The following CBY1 variants were observed in gnomAD, a reference collection of about 807,000 sequenced individuals.
CBY1 encodes chibby 1, beta catenin antagonist.
In CBY1, 10 loss-of-function variants were observed where a neutral mutation model predicts 15.6. The observed-to-expected ratio is 0.64, with a 90% CI of 0.40 to 1.09. The LOEUF (loss-of-function observed/expected upper bound fraction) is 1.09, where lower values mean the gene tolerates loss of function less well. Ranked by LOEUF, CBY1 falls within the 50% of genes least tolerant of loss-of-function variation. The pLI is 0.01. For synonymous variants in CBY1, 61 were observed against 63.5 expected, an observed-to-expected ratio of 0.96 and a Z score of 0.19; for missense variants, 150 against 160.5, an observed-to-expected ratio of 0.93 and a Z score of 0.35.
At chr22:38,661,469 T>C (rs936429244) in intron 1 of CBY1, among the ~76,000 whole-genome samples, 18 of 152,102 alleles carry the variant, frequency 1.2e-4, no homozygotes, top group Non-Finnish European at 7.4e-5. Context: ...AGCCACTGTA[T>C]GATTGTTTTT....
intron 1 of CBY1, among the ~76,000 whole-genome samples, chr22:38,660,730 C>T (rs781305901): frequency 1.3e-5 from 2 of 151,910 alleles, no homozygotes; most frequent in African/African-American, 2.4e-5. Context: ...CTAGCATTTT[C>T]ATCTTTATTT....
At position 38,673,467 on chromosome 22, in the gene CBY1, C is replaced by G; in HGVS notation, c.*231C>G. On this transcript the variant is annotated 3_prime_UTR_variant, in exon 5 of 5. Transcript: ENST00000216029. ...TGCCTGCGGGTGCCAGTCTGAAAAC[C>G]AGACCGCACAGAGGCCTGGGGCTGC... The G allele has an allele frequency of 2.3e-6, 1 of 441,472 alleles. No individual in the cohort carries two copies. Among genetic ancestry groups the G allele is most frequent in the Non-Finnish European group, 4.2e-6 (1 of 235,706 alleles). The allele number at this position is 441,472 out of a possible 1,614,324, so 27.3% of individuals were successfully genotyped here.
chr22:38,669,408 G>C (rs1294805117), intron 2 of CBY1, among the ~76,000 whole-genome samples: 1 of 152,154 alleles, frequency 6.6e-6, no homozygotes, highest in Admixed American at 6.5e-5. Context: ...GCTATTGATT[G>C]ATACCTTTCT....
chr22:38,671,092 G>A lies in CBY1; in HGVS notation c.207G>A (p.Val69=), dbSNP rs746285997. The A allele has an allele frequency of 2.5e-6, 4 of 1,614,196 alleles. No individual in the cohort carries two copies. The Admixed American group carries it at 6.7e-5, about 27-fold the overall frequency. The part of the protein sequence containing the change: ...WIAETGVSGG[V]DRREVQRLRR... Reference sequence around the variant, plus strand: ...CAGAGACAGGGGTTAGTGGCGGTGTGGACCGGAGGGAGGTTCAGCGCCTTC... The same window carrying A: ...CAGAGACAGGGGTTAGTGGCGGTGTAGACCGGAGGGAGGTTCAGCGCCTTC... The change falls in exon 4 of 5, where the codon GTG becomes GTA. Residue 69 remains valine, a synonymous_variant. Coordinates refer to ENST00000216029, the MANE Select transcript of CBY1 (RefSeq NM_015373.4).
rs2092459938 is a variant in CBY1 at position 38,673,817 on chromosome 22, C to T, written c.*581C>T. 6.6e-6 allele frequency: 1 copy of T among 152,426 alleles called. No homozygotes were observed. The highest frequency in any genetic ancestry group is 1.5e-5 in the Non-Finnish European group (1 of 68,226). 9.4% of individuals were successfully genotyped at this position (152,426 alleles called of 1,614,324 possible). ...TATTTTTATGCTACTTTCCTGTTTGCACTACTACTTTTTTATTAAACGATG... is the reference window on the plus strand; with the variant it reads ...TATTTTTATGCTACTTTCCTGTTTGTACTACTACTTTTTTATTAAACGATG... On this transcript the variant is annotated 3_prime_UTR_variant, in exon 5 of 5. Coordinates refer to ENST00000216029, the MANE Select transcript of CBY1 (RefSeq NM_015373.4).
intron 1 of CBY1, among the ~76,000 whole-genome samples, chr22:38,660,783 G>A (rs2092420178): frequency 9.3e-6 from 1 of 107,640 alleles, no homozygotes; most frequent in Non-Finnish European, 1.8e-5. Flanking sequence ...TGTTGCCCAG[G>A]CTGGAGCGCA....
At chr22:38,659,695 T>A (rs1267141151) in intron 1 of CBY1, among the ~76,000 whole-genome samples, 2 of 151,818 alleles carry the variant, frequency 1.3e-5, no homozygotes, top group Non-Finnish European at 2.9e-5. Context: ...ACCCCATCTC[T>A]ACTAAAAATA....
chr22:38,673,453 G>A lies in CBY1; in HGVS notation c.*217G>A. 2.2e-6 allele frequency: 1 copy of A among 462,408 alleles called. No homozygotes were observed. The highest frequency in any genetic ancestry group is 4.0e-6 in the Non-Finnish European group (1 of 248,210). The allele number at this position is 462,408 out of a possible 1,614,324, so 28.6% of individuals were successfully genotyped here. ...TGCTTCAGATGCACTGCCTGCGGGTGCCAGTCTGAAAACCAGACCGCACAG... is the reference window on the plus strand; with the variant it reads ...TGCTTCAGATGCACTGCCTGCGGGTACCAGTCTGAAAACCAGACCGCACAG... On this transcript the variant is annotated 3_prime_UTR_variant, in exon 5 of 5. Transcript: ENST00000216029.
chr22:38,662,499 T>G (rs959127950), intron 1 of CBY1, among the ~76,000 whole-genome samples: 7 of 150,732 alleles, frequency 4.6e-5, no homozygotes, highest in South Asian at 2.1e-4. Context: ...CAATTTTTTT[T>G]GGGGGGCGGG....
At chr22:38,659,287 T>C (rs1251003591) in intron 1 of CBY1, among the ~76,000 whole-genome samples, 2 of 151,440 alleles carry the variant, frequency 1.3e-5, no homozygotes, top group Non-Finnish European at 2.9e-5. Flanking sequence ...TGAGACAGAG[T>C]CTTGCTCCGT....
In CBY1 at chr22:38,670,890, C is replaced by G. The variant is rs767012183; in HGVS notation, c.85C>G (p.Arg29Gly). 3 of 1,613,098 alleles carry G rather than the reference C, an allele frequency of 1.9e-6. No homozygotes were observed. Among genetic ancestry groups the G allele is most frequent in the Non-Finnish European group, 2.5e-6 (3 of 1,179,296 alleles). ...CATAGCATCTCGCCCACAGTTGGAT[C>G]GATCAACCCGGGAGGTGGAGCTGGG... is the stretch of plus-strand genomic sequence containing the variant. Reference protein sequence around the residue: ...ASLSNLHSLDRSTREVELGLE... With the variant: ...ASLSNLHSLDGSTREVELGLE... The change falls in exon 3 of 5, where the codon CGA becomes GGA. Residue 29 changes from arginine (R) to glycine (G), a missense_variant. By Grantham distance (125) the Arg-to-Gly change is moderately radical (BLOSUM62 -2). Coordinates refer to ENST00000216029, the MANE Select transcript of CBY1 (RefSeq NM_015373.4).
At position 38,673,295 on chromosome 22, in the gene CBY1, G is replaced by C. The variant is rs2092458538; in HGVS notation, c.*59G>C. The C allele has an allele frequency of 1.8e-6, 2 of 1,108,752 alleles. No individual in the cohort carries two copies. Among genetic ancestry groups the C allele is most frequent in the Non-Finnish European group, 1.4e-6 (1 of 723,330 alleles). The allele number at this position is 1,108,752 out of a possible 1,614,324, so 68.7% of individuals were successfully genotyped here. A position where few individuals can be genotyped will look rare whatever the true frequency, so the allele number is the denominator to read the frequency against. On this transcript the variant is annotated 3_prime_UTR_variant, in exon 5 of 5. Transcript: ENST00000216029. The stretch of plus-strand genomic sequence containing the variant: ...TGGCTGAGTGCTTTTTTTTTGGCCA[G>C]ACTAGCGGATTCAGTCCTGGAAGAG...
intron 2 of CBY1, 164 bp downstream of exon 2, chr22:38,668,296 A>G: frequency 1.8e-6 from 1 of 565,252 alleles, no homozygotes; most frequent in South Asian, 2.3e-5. Flanking sequence ...TTGTTTGGGA[A>G]TGATCGTCAG....
intron 1 of CBY1, among the ~76,000 whole-genome samples, chr22:38,664,031 A>G (rs1011903539): frequency 4.6e-5 from 7 of 151,834 alleles, no homozygotes; most frequent in African/African-American, 1.2e-4. Context: ...CAAAAAAAAA[A>G]AAGAAGGAGA....
intron 4 of CBY1, among the ~76,000 whole-genome samples, chr22:38,672,735 A>G (rs2092456821): frequency 6.6e-6 from 1 of 152,172 alleles, no homozygotes; most frequent in Non-Finnish European, 1.5e-5. Context: ...CAAACAAACC[A>G]AAAAACAAAA....
rs1326103490 is a variant in CBY1, at chr22:38,670,934, G to A, written c.129G>A (p.Pro43=). The change falls in exon 3 of 5, where the codon CCG becomes CCA. Residue 43 remains proline, a synonymous_variant. Transcript: ENST00000216029. ...EVELGLEYGS[P]TMNLAGQSLK... ...AGCTGGGCTTGGAATACGGATCCCCGACTATGAACCTGGCAGGGCAAAGCC... is the reference window on the plus strand; with the variant it reads ...AGCTGGGCTTGGAATACGGATCCCCAACTATGAACCTGGCAGGGCAAAGCC... The A allele has an allele frequency of 6.2e-7, 1 of 1,614,196 alleles. No individual in the cohort carries two copies. Among genetic ancestry groups the A allele is most frequent in the East Asian group, 2.2e-5 (1 of 44,886 alleles).
intron 4 of CBY1, among the ~76,000 whole-genome samples, chr22:38,672,366 G>T (rs2092455187): frequency 6.6e-6 from 1 of 151,660 alleles, no homozygotes; most frequent in African/African-American, 2.4e-5. Flanking sequence ...TGTAGCCTGG[G>T]CTGGAGTACA....
In CBY1 at chr22:38,671,128, C is replaced by G. The variant is rs756177522; in HGVS notation, c.243C>G (p.Asn81Lys). 14 of 1,614,120 alleles carry G rather than the reference C, an allele frequency of 8.7e-6. No individual in the cohort carries two copies. In the South Asian group the frequency reaches 1.4e-4, roughly 16 times the overall value. Residue 81 changes from asparagine to lysine, a missense_variant, in exon 4 of 5, where the codon AAC becomes AAG. By Grantham distance (94) the Asn-to-Lys change is moderately conservative. Transcript: ENST00000216029. Reference sequence around the variant, plus strand: ...AGGTTCAGCGCCTTCGCAGGCGGAACCAGCAGTTGGAGGAAGAGAACAATC... The same window carrying G: ...AGGTTCAGCGCCTTCGCAGGCGGAAGCAGCAGTTGGAGGAAGAGAACAATC... ...RREVQRLRRR[N>K]QQLEEENNLL... is the part of the protein sequence containing the mutation.
At chr22:38,666,408 T>G (rs1369926315) in intron 1 of CBY1, 2 of 151,916 alleles carry the variant, frequency 1.3e-5, no homozygotes, top group African/African-American at 4.8e-5. Context: ...CTCCCCTCCT[T>G]TTCTCCCCAA....
Sources: gnomAD v4.1 joint callset for allele counts (sites outside exome capture counted in the v4.1 genomes callset) on GRCh38, gnomAD v4.1.1 for gene constraint, MANE v1.5 for transcripts, NCBI Gene and HGNC (gene_info 2026-07-23, HGNC 2026-07-21) for gene names.